The following C1orf198 variants were observed in gnomAD, a reference collection of about 807,000 sequenced individuals.
C1orf198 encodes uncharacterized protein C1orf198.
In C1orf198, 17 loss-of-function variants were observed where a neutral mutation model predicts 31.4. That is an observed-to-expected ratio of 0.54 (90% CI 0.37 to 0.81). C1orf198 has a LOEUF of 0.81. Among genes scored for constraint, C1orf198 ranks in the 40% least tolerant of loss-of-function variants. The pLI is 0.00. For synonymous variants in C1orf198, 175 were observed against 193.8 expected (o/e 0.90, Z 0.81); for missense variants, 401 against 450.3 (o/e 0.89, Z 0.99).
Position 230,843,515 on chromosome 1 carries a change from G to C in C1orf198, c.766C>G (p.Pro256Ala). The C allele has an allele frequency of 1.2e-6, 2 of 1,612,298 alleles. No individual in the cohort carries two copies. The highest frequency in any genetic ancestry group is 1.7e-6 in the Non-Finnish European group (2 of 1,178,860). ...STLRQEQRPL[P>A]NVSTERERPQ... ...CTCTCACGTTCGGTGCTCACGTTGGGAAGAGGACGCTGCTCCTGACGGAGG... is the reference window on the plus strand; with the variant it reads ...CTCTCACGTTCGGTGCTCACGTTGGCAAGAGGACGCTGCTCCTGACGGAGG... The change falls in exon 3 of 4, where the codon CCC becomes GCC. Residue 256 changes from proline (P) to alanine (A), a missense_variant. Coordinates refer to ENST00000366663, the MANE Select transcript of C1orf198 (RefSeq NM_032800.3). This position sits in a 1 kb window ranked among gnomAD's most constrained non-coding sequence, Gnocchi z 4.9.
chr1:230,856,362 A>T (rs1289612669), intron 1 of C1orf198, among the ~76,000 whole-genome samples: 1 of 151,286 alleles, frequency 6.6e-6, no homozygotes, highest in East Asian at 2.0e-4. Context: ...CACCCCCACC[A>T]AACAGAACAG....
At chr1:230,858,494 G>C (rs1176403703) in intron 1 of C1orf198, among the ~76,000 whole-genome samples, 8 of 152,148 alleles carry the variant, frequency 5.3e-5, no homozygotes, top group Non-Finnish European at 1.5e-5. Flanking sequence ...GCTCTTCACA[G>C]CTCTTAGTTC....
rs114936015 is a variant in C1orf198 at position 230,849,424 on chromosome 1, G to T, written c.385-5528C>A. Among the ~76,000 whole-genome samples, 460 of 152,298 alleles carry T rather than the reference G, an allele frequency of 3.0e-3. 1 individual carries two copies. Among genetic ancestry groups the T allele is most frequent in the Non-Finnish European group, 5.6e-3 (381 of 68,022 alleles). ...TATAGTCTTTGAGACAGGGGAGATA[G>T]GAGAGTCCACAAGGAAGCCGTCCCT... On this transcript the variant is annotated intron_variant, in intron 2 of 3. Transcript: ENST00000366663.
chr1:230,852,555 C>G, intron 2 of C1orf198, among the ~76,000 whole-genome samples: 1 of 152,050 alleles, frequency 6.6e-6, no homozygotes, highest in Middle Eastern at 3.4e-3. Context: ...TTTCATTTGT[C>G]AATTAAAAAG....
chr1:230,850,377 G>A (rs771717444), intron 2 of C1orf198, among the ~76,000 whole-genome samples: 3 of 152,252 alleles, frequency 2.0e-5, no homozygotes, highest in Admixed American at 6.5e-5. Flanking sequence ...GCACAGACCC[G>A]GCACGTGGTG....
At position 230,863,344 on chromosome 1, in the gene C1orf198, TG is replaced by T. The variant is rs113842521; in HGVS notation, c.333+4835del. 6.4e-4 allele frequency among the ~76,000 whole-genome samples: 97 copies of T among 152,268 alleles called. 1 individual carries two copies. The highest frequency in any genetic ancestry group is 2.3e-3 in the African/African-American group (94 of 41,542). On this transcript the variant is annotated intron_variant, in intron 1 of 3. Coordinates refer to ENST00000366663, the MANE Select transcript of C1orf198 (RefSeq NM_032800.3). Reference sequence around the variant, plus strand: ...GTAGGTGGAGGAAATGCTAAAGAAATGAGCAAAATATGACAGGAAGTCTAAA... The same window carrying T: ...GTAGGTGGAGGAAATGCTAAAGAAATAGCAAAATATGACAGGAAGTCTAAA...
At position 230,857,420 on chromosome 1, in the gene C1orf198, A is replaced by G. The variant is rs1669900805; in HGVS notation, c.334-1702T>C. Among the ~76,000 whole-genome samples, 1 of 152,084 alleles carries G rather than the reference A, an allele frequency of 6.6e-6. No homozygotes were observed. The highest frequency in any genetic ancestry group is 6.6e-5 in the Admixed American group (1 of 15,260). On this transcript the variant is annotated intron_variant, in intron 1 of 3. Coordinates refer to ENST00000366663, the MANE Select transcript of C1orf198 (RefSeq NM_032800.3). The surrounding 1 kb of genome is among the most constrained non-coding windows in gnomAD (Gnocchi z 4.2). ...TTTCACAGGTTGATTTTCCCCCACA[A>G]TCACCCGCTCCCAACACTCACACTC... is the stretch of plus-strand genomic sequence containing the variant.
In C1orf198 at chr1:230,838,589, A is replaced by G. The variant is rs1369049094; in HGVS notation, c.*1263T>C. The G allele has an allele frequency of 6.6e-6, 1 of 152,436 alleles. No individual in the cohort carries two copies. Among genetic ancestry groups the G allele is most frequent in the Admixed American group, 6.5e-5 (1 of 15,268 alleles). The allele number at this position is 152,436 out of a possible 1,614,324, so 9.4% of individuals were successfully genotyped here. On this transcript the variant is annotated 3_prime_UTR_variant, in exon 4 of 4. Transcript: ENST00000366663. The surrounding 1 kb of genome is among the most constrained non-coding windows in gnomAD (Gnocchi z 4.2). ...CTCACTGGCAGGTGTCGCAAAGATT[A>G]AGGCTTCAGGTGAGAACGCAGTGAT...
intron 1 of C1orf198, among the ~76,000 whole-genome samples, chr1:230,863,507 G>C (rs375135540): frequency 7.9e-5 from 12 of 152,174 alleles, no homozygotes; most frequent in Admixed American, 7.9e-4. Context: ...CACACCTGTC[G>C]CCATGCTTCC....
chr1:230,847,698 A>G (rs1189287622), intron 2 of C1orf198, among the ~76,000 whole-genome samples: 1 of 152,206 alleles, frequency 6.6e-6, no homozygotes, highest in Non-Finnish European at 1.5e-5. Context: ...CATATTTCCA[A>G]ATTCCACAAC....
At chr1:230,859,852 T>C (rs1469647381) in intron 1 of C1orf198, among the ~76,000 whole-genome samples, 4 of 152,186 alleles carry the variant, frequency 2.6e-5, no homozygotes, top group Non-Finnish European at 5.9e-5. Flanking sequence ...ATAACATATA[T>C]TTTTTGCTCA....
At chr1:230,848,651 C>T (rs562564274) in intron 2 of C1orf198, among the ~76,000 whole-genome samples, 232 of 152,278 alleles carry the variant, frequency 1.5e-3, no homozygotes, top group African/African-American at 5.2e-3. Context: ...ATCACATGTA[C>T]CCTATCAATA....
chr1:230,839,471 G>C lies in C1orf198; in HGVS notation c.*381C>G. 1 of 215,396 alleles carries C rather than the reference G, an allele frequency of 4.6e-6. No individual in the cohort carries two copies. Among genetic ancestry groups the C allele is most frequent in the South Asian group, 7.2e-5 (1 of 13,820 alleles). The allele number at this position is 215,396 out of a possible 1,614,324, so 13.3% of individuals were successfully genotyped here. On this transcript the variant is annotated 3_prime_UTR_variant, in exon 4 of 4. Transcript: ENST00000366663. ...GAACCCATACGGTAAAAAGCGGAGG[G>C]GGGAGGGGGAATAATGGAGAAGGAG...
chr1:230,851,651 C>T (rs1287077416), intron 2 of C1orf198, among the ~76,000 whole-genome samples: 1 of 152,180 alleles, frequency 6.6e-6, no homozygotes, highest in Non-Finnish European at 1.5e-5. Context: ...CACGACCACC[C>T]CCACCCTTCT....
chr1:230,848,408 T>C (rs1572130667), intron 2 of C1orf198, among the ~76,000 whole-genome samples: 1 of 151,398 alleles, frequency 6.6e-6, no homozygotes, highest in South Asian at 2.1e-4. Flanking sequence ...CTGGGAAGGG[T>C]GTGTGGGTAG....
intron 1 of C1orf198, among the ~76,000 whole-genome samples, chr1:230,865,030 A>T (rs1006052566): frequency 6.6e-6 from 1 of 152,206 alleles, no homozygotes; most frequent in Non-Finnish European, 1.5e-5. Flanking sequence ...AGACTGTCAA[A>T]AGCATCCATT....
At chr1:230,859,950 A>C (rs749139746) in intron 1 of C1orf198, among the ~76,000 whole-genome samples, 19 of 152,196 alleles carry the variant, frequency 1.2e-4, no homozygotes, top group Non-Finnish European at 2.1e-4. Context: ...GGGCTTAAGA[A>C]CTCTGTGGTT....
chr1:230,863,377 G>T (rs1231215258), intron 1 of C1orf198, among the ~76,000 whole-genome samples: 1 of 152,110 alleles, frequency 6.6e-6, no homozygotes, highest in Non-Finnish European at 1.5e-5. Flanking sequence ...TAAACAAATA[G>T]GTCTCATCTT....
intron 3 of C1orf198, among the ~76,000 whole-genome samples, chr1:230,841,227 A>G (rs1010958): frequency 0.1 from 15,396 of 152,170 alleles, 2,295 homozygotes; most frequent in African/African-American, 0.33. Flanking sequence ...GGCAGGAAAC[A>G]AGAGGGCTGA....
Sources: gnomAD v4.1 joint callset for allele counts (sites outside exome capture counted in the v4.1 genomes callset) on GRCh38, gnomAD v4.1.1 for gene constraint, Gnocchi (gnomAD v3.1) non-coding constraint, MANE v1.5 for transcripts, NCBI Gene and HGNC (gene_info 2026-07-23, HGNC 2026-07-21) for gene names.